The following PER2 variants were observed in gnomAD, a reference collection of about 807,000 sequenced individuals.
PER2 encodes the protein period circadian protein homolog 2.
PER2 carries 66 observed loss-of-function variants against 121.0 expected under a neutral mutation model. That is an observed-to-expected ratio of 0.55 (90% CI 0.45 to 0.67). The LOEUF (loss-of-function observed/expected upper bound fraction) is 0.67. Among genes scored for constraint, PER2 ranks in the 30% least tolerant of loss-of-function variants. The pLI, the probability that PER2 is intolerant of heterozygous loss-of-function variation, is 0.00. For synonymous variants in PER2, 684 were observed against 659.9 expected (o/e 1.04, Z -0.56); for missense variants, 1,521 against 1,635.0 (o/e 0.93, Z 1.20).
At chr2:238,274,244 C>T (rs1379199709) in intron 4 of PER2, among the ~76,000 whole-genome samples, 1 of 152,232 alleles carries the variant, frequency 6.6e-6, no homozygotes, top group Non-Finnish European at 1.5e-5. Flanking sequence ...TGCTCATGGC[C>T]ACAGCGGCCC....
At chr2:238,258,840 C>T (rs1056134996) in intron 14 of PER2, among the ~76,000 whole-genome samples, 196 bp from the exon 15 acceptor site, 2 of 151,928 alleles carry the variant, frequency 1.3e-5, no homozygotes, top group Non-Finnish European at 2.9e-5. Flanking sequence ...CACAGAGAGA[C>T]CTGGGGGGGG....
Position 238,277,707 on chromosome 2 carries a change from C to T in PER2, c.230G>A (p.Ser77Asn), listed in dbSNP as rs1286188756. Reference sequence around the variant, plus strand: ...CCATCTGGCCAGAGGCTGAACTCACCTCTGGCGGGCATCCGGTGGCTCCAC... The same window carrying T: ...CCATCTGGCCAGAGGCTGAACTCACTTCTGGCGGGCATCCGGTGGCTCCAC... ...MLVEPPDARQ[S>N]PDTFSLMMAK... The change falls in exon 2 of 23, where the codon AGT becomes AAT. Residue 77 changes from serine (S) to asparagine (N), a missense_variant and splice_region_variant. Transcript: ENST00000254657. The T allele has an allele frequency of 6.2e-7, 1 of 1,614,118 alleles. No individual in the cohort carries two copies. Among genetic ancestry groups the T allele is most frequent in the Non-Finnish European group, 8.5e-7 (1 of 1,180,030 alleles).
At chr2:238,249,283 T>TAAA in intron 21 of PER2, 71 bp from the exon 22 acceptor site, 6 of 1,466,224 alleles carry the variant, frequency 4.1e-6, no homozygotes, top group Non-Finnish European at 5.6e-6. Context: ...TCTTTCAGAA[T>TAAA]AATGTAGTTT....
At chr2:238,297,347 C>G in the PER2 span, among the ~76,000 whole-genome samples, 1 of 152,150 alleles carries the variant, frequency 6.6e-6, no homozygotes, top group Non-Finnish European at 1.5e-5. Flanking sequence ...GAGCCTGGGG[C>G]CAGGAGTCCC....
At chr2:238,294,045 C>G (rs1475811769), upstream of PER2, among the ~76,000 whole-genome samples, 1 of 152,168 alleles carries the variant, frequency 6.6e-6, no homozygotes, top group East Asian at 1.9e-4. Flanking sequence ...GAGCTGATCC[C>G]CCCCACACCC....
upstream of PER2, among the ~76,000 whole-genome samples, chr2:238,294,119 C>G (rs62194939): frequency 6.6e-6 from 1 of 152,238 alleles, no homozygotes; most frequent in Non-Finnish European, 1.5e-5. Context: ...TCCGAGGCAT[C>G]TCTTCCTTCC....
At chr2:238,280,443 C>A (rs779356759) in intron 1 of PER2, among the ~76,000 whole-genome samples, 3 of 152,222 alleles carry the variant, frequency 2.0e-5, no homozygotes, top group Non-Finnish European at 4.4e-5. Context: ...ACACAACCCT[C>A]ATGCCACAGA....
intron 1 of PER2, among the ~76,000 whole-genome samples, chr2:238,283,149 G>A (rs1696679730): frequency 6.6e-6 from 1 of 152,240 alleles, no homozygotes; most frequent in South Asian, 2.1e-4. Flanking sequence ...CAGGAGGCAA[G>A]GAGGAGCTGG....
rs1695426319 is a variant in PER2 at position 238,245,640 on chromosome 2, T to A, written c.*735A>T. The A allele has an allele frequency of 2.5e-6, 1 of 398,528 alleles. No individual in the cohort carries two copies. The highest frequency in any genetic ancestry group is 4.4e-6 in the Non-Finnish European group (1 of 226,080). 24.7% of individuals were successfully genotyped at this position (398,528 alleles called of 1,614,324 possible). A position where few individuals can be genotyped will look rare whatever the true frequency, so the allele number is the denominator to read the frequency against. ...TCATGGTCTGAAAAGGAGACAAGAATAATGCAGAAATATACAGAGGGTCTG... is the reference window on the plus strand; with the variant it reads ...TCATGGTCTGAAAAGGAGACAAGAAAAATGCAGAAATATACAGAGGGTCTG... On this transcript the variant is annotated 3_prime_UTR_variant, in exon 23 of 23. Coordinates refer to ENST00000254657, the MANE Select transcript of PER2 (RefSeq NM_022817.3).
At position 238,270,423 on chromosome 2, in the gene PER2, T is replaced by TA. The variant is rs71402779; in HGVS notation, c.772+888dup. ...TCTCTGCTTTCGTGGGAATCTAAACTAAAAAAAAAAAAAATCTTAGATCTA... is the reference window on the plus strand; with the variant it reads ...TCTCTGCTTTCGTGGGAATCTAAACTAAAAAAAAAAAAAAATCTTAGATCTA... On this transcript the variant is annotated intron_variant, in intron 6 of 22. Coordinates refer to ENST00000254657, the MANE Select transcript of PER2 (RefSeq NM_022817.3). Among the ~76,000 whole-genome samples, 384 of 142,400 alleles carry TA rather than the reference T, an allele frequency of 2.7e-3. 1 individual carries two copies. The highest frequency in any genetic ancestry group is 3.7e-3 in the East Asian group (18 of 4,862). The allele number at this position is 142,400 out of a possible 152,430, so 93.4% of individuals were successfully genotyped here.
At chr2:238,289,162 A>G (rs995409817), upstream of PER2, 1 of 152,154 alleles carries the variant, frequency 6.6e-6, no homozygotes, top group East Asian at 1.9e-4. Context: ...CCGGCCTGGC[A>G]GACCCGGCGC....
intron 9 of PER2, among the ~76,000 whole-genome samples, chr2:238,263,357 C>T (rs890301231): frequency 6.6e-6 from 1 of 152,228 alleles, no homozygotes; most frequent in African/African-American, 2.4e-5. Flanking sequence ...TTCCTTCCAG[C>T]ATCTTTTTCT....
At chr2:238,292,496 TAG>T (rs1270930778), upstream of PER2, among the ~76,000 whole-genome samples, 1 of 152,132 alleles carries the variant, frequency 6.6e-6, no homozygotes, top group Non-Finnish European at 1.5e-5. Context: ...TGGCACAAGC[TAG>T]GACCCGCATT....
chr2:238,247,824 C>T (rs1022987052), intron 22 of PER2, among the ~76,000 whole-genome samples: 4 of 152,274 alleles, frequency 2.6e-5, no homozygotes, highest in African/African-American at 9.6e-5. Flanking sequence ...GGCTTTGCAA[C>T]CATTTATTCT....
chr2:238,261,937 C>G (rs1452256092), intron 11 of PER2, 100 bp from the exon 12 acceptor site: 14 of 846,240 alleles, frequency 1.7e-5, no homozygotes, highest in Non-Finnish European at 2.7e-5. Flanking sequence ...GGTGGGCCCT[C>G]TGCCTCTCCC....
At chr2:238,251,487 TG>T (rs1372158731) in intron 20 of PER2, 111 bp downstream of exon 20, 10 of 950,304 alleles carry the variant, frequency 1.1e-5, no homozygotes, top group Admixed American at 7.1e-5. Context: ...GACAGCTGCT[TG>T]GGGAGTGCCG....
In PER2 at chr2:238,260,939, G is replaced by A. The variant is rs773072598; in HGVS notation, c.1431C>T (p.Ser477=). The A allele has an allele frequency of 3.0e-5, 48 of 1,613,116 alleles. No homozygotes were observed. Among genetic ancestry groups the A allele is most frequent in the Middle Eastern group, 1.6e-4 (1 of 6,080 alleles). The change falls in exon 13 of 23, where the codon AGC becomes AGT. Residue 477 remains serine (S), a synonymous_variant. Transcript: ENST00000254657. The stretch of plus-strand genomic sequence containing the variant: ...CCAGACTCCCGTAGCCACTGGAGCC[G>A]CTGTGGGGGACGGGCTGGGGAGACA... ...HRLLLQPVPH[S]GSSGYGSLGS... is the part of the protein sequence containing the mutation.
chr2:238,289,667 C>A (rs904617039), upstream of PER2: 1 of 152,268 alleles, frequency 6.6e-6, no homozygotes, highest in Admixed American at 6.5e-5. Flanking sequence ...AGAAAGGCAG[C>A]ACTTCCAAGG....
Position 238,278,104 on chromosome 2 carries a change from T to C in PER2, c.-19-149A>G, listed in dbSNP as rs73088949. The C allele has an allele frequency of 4.5e-3, 2,631 of 582,894 alleles. 50 individuals carry two copies. The African/African-American group carries it at 0.073, about 16-fold the overall frequency. The allele number at this position is 582,894 out of a possible 1,614,324, so 36.1% of individuals were successfully genotyped here. On this transcript the variant is annotated intron_variant, in intron 1 of 22. Coordinates refer to ENST00000254657, the MANE Select transcript of PER2 (RefSeq NM_022817.3). ...TCTCTCTGTCTCTCTCTCTCTCTCT[T>C]TCTTTCTTTCTACTTTGGAGACAGG...
Sources: allele counts gnomAD v4.1 joint callset (sites outside exome capture counted in the v4.1 genomes callset), GRCh38; gene constraint gnomAD v4.1.1; transcripts MANE v1.5; gene names NCBI Gene and HGNC (gene_info 2026-07-23, HGNC 2026-07-21).